GNG7: variants seen among roughly 807,000 people sequenced by gnomAD.
GNG7 encodes the protein G protein subunit gamma 7.
GNG7 carries 1 observed loss-of-function variant against 4.0 expected under a neutral mutation model. The observed-to-expected ratio is 0.25, with a 90% CI of 0.09 to 1.18. The LOEUF (loss-of-function observed/expected upper bound fraction) is 1.18. GNG7 is among the 50% of genes most tolerant of loss of function. The pLI is 0.50. For missense variants in GNG7, 86 were observed against 91.9 expected (o/e 0.94, Z 0.26); for synonymous variants, 34 against 36.9 (o/e 0.92, Z 0.29).
At chr19:2,687,448 C>T (rs1332387517) in intron 1 of GNG7, among the ~76,000 whole-genome samples, 1 of 151,494 alleles carries the variant, frequency 6.6e-6, no homozygotes, top group Admixed American at 6.6e-5. Flanking sequence ...GAAACCCTGC[C>T]TCTACTAAAA....
At chr19:2,573,211 C>T (rs925545693) in intron 2 of GNG7, among the ~76,000 whole-genome samples, 12 of 149,288 alleles carry the variant, frequency 8.0e-5, no homozygotes, top group African/African-American at 2.9e-4. Flanking sequence ...TTAGTAGCGA[C>T]GGGGTTTCAC....
chr19:2,582,656 A>ATTTTTTTTTTT lies in GNG7; in HGVS notation c.-77-27479_-77-27469dup, dbSNP rs35625825. Among the ~76,000 whole-genome samples, 5 of 86,168 alleles carry ATTTTTTTTTTT rather than the reference A, an allele frequency of 5.8e-5. 1 individual carries two copies. Among genetic ancestry groups the ATTTTTTTTTTT allele is most frequent in the African/African-American group, 1.8e-4 (4 of 22,812 alleles). 56.5% of individuals were successfully genotyped at this position (86,168 alleles called of 152,430 possible). ...TGCCACCATGGCTGGCTAATTGTTA[A>ATTTTTTTTTTT]TTTTTTTTTTTTTTTTTTTTTTTTT... is the stretch of plus-strand genomic sequence containing the variant. On this transcript the variant is annotated intron_variant, in intron 2 of 4. Coordinates refer to ENST00000382159, the MANE Select transcript of GNG7 (RefSeq NM_052847.3).
chr19:2,682,202 C>T (rs1983755770), intron 1 of GNG7, among the ~76,000 whole-genome samples: 1 of 152,024 alleles, frequency 6.6e-6, no homozygotes, highest in South Asian at 2.1e-4. Context: ...AGCCACCGCG[C>T]CCGGCCTGAA....
Position 2,588,305 on chromosome 19 carries a change from T to C in GNG7, c.-77-33117A>G, listed in dbSNP as rs550274591. On this transcript the variant is annotated intron_variant, in intron 2 of 4. Transcript: ENST00000382159. ...GTCCGGCTGAATTGCAACTGGCCTT[T>C]ACATCCTAATCAGCTCCCTGAGGAC... is the stretch of plus-strand genomic sequence containing the variant. 2.0e-5 allele frequency among the ~76,000 whole-genome samples: 3 copies of C among 152,302 alleles called. No homozygotes were observed. The South Asian group carries it at 6.2e-4, about 32-fold the overall frequency.
intron 2 of GNG7, among the ~76,000 whole-genome samples, chr19:2,637,267 G>A (rs1050196582): frequency 9.2e-5 from 14 of 151,522 alleles, no homozygotes; most frequent in African/African-American, 3.4e-4. Context: ...GTTTTGCCCT[G>A]GGGCCTGCAG....
intron 2 of GNG7, among the ~76,000 whole-genome samples, chr19:2,598,510 A>G: frequency 6.7e-6 from 1 of 149,052 alleles, no homozygotes; most frequent in Non-Finnish European, 1.5e-5. Flanking sequence ...ACAAAAAATT[A>G]GCTGGGTGTG....
At chr19:2,699,959 A>T (rs954302079) in intron 1 of GNG7, among the ~76,000 whole-genome samples, 1 of 152,114 alleles carries the variant, frequency 6.6e-6, no homozygotes, top group African/African-American at 2.4e-5. Flanking sequence ...TGCATCTGTT[A>T]CTTAACGAGC....
At chr19:2,687,494 T>C (rs1172582924) in intron 1 of GNG7, among the ~76,000 whole-genome samples, 1 of 151,772 alleles carries the variant, frequency 6.6e-6, no homozygotes, top group Non-Finnish European at 1.5e-5. Context: ...CCCATGCCTG[T>C]AATCCCAGCT....
intron 1 of GNG7, among the ~76,000 whole-genome samples, chr19:2,647,361 G>A (rs1982693353): frequency 6.6e-6 from 1 of 152,140 alleles, no homozygotes; most frequent in African/African-American, 2.4e-5. Context: ...CATGGGGAGA[G>A]GGCCTGGAAG....
intron 2 of GNG7, among the ~76,000 whole-genome samples, chr19:2,564,336 T>C (rs955691957): frequency 6.6e-6 from 1 of 152,064 alleles, no homozygotes; most frequent in Non-Finnish European, 1.5e-5. Context: ...AACCCAGAAC[T>C]TTGGGAGGCC....
chr19:2,690,047 C>T (rs1464362986), intron 1 of GNG7, among the ~76,000 whole-genome samples: 2 of 152,012 alleles, frequency 1.3e-5, no homozygotes, highest in African/African-American at 4.8e-5. Flanking sequence ...CTTTTGGCGG[C>T]GGGTAGAAGC....
intron 3 of GNG7, 90 bp from the exon 4 acceptor site, chr19:2,520,815 A>C: frequency 4.9e-6 from 3 of 612,272 alleles, no homozygotes; most frequent in Non-Finnish European, 2.9e-6. Context: ...AACCTTCCCG[A>C]CTCTAGGCAC....
intron 2 of GNG7, among the ~76,000 whole-genome samples, chr19:2,599,724 G>C (rs1264512516): frequency 2.6e-5 from 4 of 152,272 alleles, no homozygotes; most frequent in Admixed American, 6.5e-5. Flanking sequence ...ATCACCTGCG[G>C]TCAGGAGTTC....
In GNG7 at chr19:2,555,729, CAGG is replaced by C. The variant is rs140836864; in HGVS notation, c.-77-544_-77-542del. 5.3e-3 allele frequency among the ~76,000 whole-genome samples: 808 copies of C among 152,100 alleles called. 10 individuals are homozygous for C. Among genetic ancestry groups the C allele is most frequent in the African/African-American group, 0.018 (765 of 41,466 alleles). ...GGGTCTCATGTGAGCCGCCCAGGGC[CAGG>C]AGGTCAATAGGAAGGAAAGAACGTC... On this transcript the variant is annotated intron_variant, in intron 2 of 4. Transcript: ENST00000382159.
At chr19:2,610,102 G>T (rs1981513502) in intron 2 of GNG7, 1 of 152,156 alleles carries the variant, frequency 6.6e-6, no homozygotes, top group Non-Finnish European at 1.5e-5. Flanking sequence ...TGCCCCAGGG[G>T]ACAGCTCAGG....
At chr19:2,586,113 T>A (rs921672347) in intron 2 of GNG7, among the ~76,000 whole-genome samples, 4 of 152,216 alleles carry the variant, frequency 2.6e-5, no homozygotes, top group Admixed American at 2.0e-4. Context: ...TTGTACGATT[T>A]TGATGATGAA....
At chr19:2,637,293 G>T (rs181771829) in intron 2 of GNG7, among the ~76,000 whole-genome samples, 3 of 152,184 alleles carry the variant, frequency 2.0e-5, no homozygotes, top group African/African-American at 7.2e-5. Context: ...TAGGAGCAGG[G>T]GATCACGGTG....
chr19:2,692,467 C>G (rs2144911458), intron 1 of GNG7, among the ~76,000 whole-genome samples: 1 of 152,086 alleles, frequency 6.6e-6, no homozygotes, highest in Non-Finnish European at 1.5e-5. Flanking sequence ...AACCCCATCT[C>G]TACTAAAAAT....
intron 1 of GNG7, among the ~76,000 whole-genome samples, chr19:2,686,927 A>AT (rs1568285144): frequency 6.6e-6 from 1 of 150,730 alleles, no homozygotes; most frequent in East Asian, 2.0e-4. Flanking sequence ...AACTTTTTGT[A>AT]TTTTTTAGTA....
Sources: gnomAD v4.1 joint callset for allele counts (sites outside exome capture counted in the v4.1 genomes callset) on GRCh38, gnomAD v4.1.1 for gene constraint, MANE v1.5 for transcripts, NCBI Gene and HGNC (gene_info 2026-07-23, HGNC 2026-07-21) for gene names.